The following VSIG10 variants were observed in gnomAD, a reference collection of about 807,000 sequenced individuals.
The protein encoded by VSIG10 is V-set and immunoglobulin domain containing 10.
Under a neutral mutation model 58.7 loss-of-function variants are expected in VSIG10, and 48 were observed. The observed-to-expected ratio is 0.82, with a 90% CI of 0.65 to 1.04. VSIG10 has a LOEUF of 1.04. Ranked by LOEUF, VSIG10 falls within the 50% of genes least tolerant of loss-of-function variation. The probability of loss-of-function intolerance (pLI) is 0.00; values close to 1 mark genes in which losing one functional copy is unlikely to be tolerated. For synonymous variants in VSIG10, 260 were observed against 267.1 expected (o/e 0.97, Z 0.26); for missense variants, 628 against 670.0 (o/e 0.94, Z 0.69).
Position 118,082,425 on chromosome 12 carries a change from G to C in VSIG10, c.366C>G (p.Gly122=). ...CGATGTGGACCTCAATCTGATAGGG[G>C]CCGCCTGGGGATGACAGGGGGAATA... ...WFQVWLQVAS[G]PYQIEVHIVA... The change falls in exon 3 of 9, where the codon GGC becomes GGG. Residue 122 remains glycine (G), a synonymous_variant. Transcript: ENST00000359236. The C allele has an allele frequency of 6.2e-7, 1 of 1,607,286 alleles. No homozygotes were observed. The highest frequency in any genetic ancestry group is 8.5e-7 in the Non-Finnish European group (1 of 1,175,132).
At position 118,073,777 on chromosome 12, in the gene VSIG10, G is replaced by A. The variant is rs756872016; in HGVS notation, c.1141C>T (p.Leu381=). Residue 381 remains leucine (L), a synonymous_variant, in exon 5 of 9, where the codon CTG becomes TTG. Transcript: ENST00000359236. Reference sequence around the variant, plus strand: ...CGGCAGATGTAGTAGCCCTCATCCAGGTCCTGGGAGCAGTTGTGGATAGTG... The same window carrying A: ...CGGCAGATGTAGTAGCCCTCATCCAAGTCCTGGGAGCAGTTGTGGATAGTG... ...TLTIHNCSQD[L]DEGYYICRAD... 1 of 1,613,994 alleles carries A rather than the reference G, an allele frequency of 6.2e-7. No homozygotes were observed. The highest frequency in any genetic ancestry group is 8.5e-7 in the Non-Finnish European group (1 of 1,179,894).
At chr12:118,069,085 C>T (rs1330449140) in intron 7 of VSIG10, among the ~76,000 whole-genome samples, 1 of 151,816 alleles carries the variant, frequency 6.6e-6, no homozygotes, top group African/African-American at 2.4e-5. Flanking sequence ...TCAGACTATA[C>T]ATTTCTTTTT....
At position 118,086,617 on chromosome 12, in the gene VSIG10, G is replaced by A. The variant is rs950272720; in HGVS notation, c.362-4188C>T. Among the ~76,000 whole-genome samples the A allele has an allele frequency of 5.9e-5, 9 of 152,106 alleles. No individual in the cohort carries two copies. The East Asian group carries it at 1.2e-3, about 20-fold the overall frequency. ...TGATGAAATAAACAGCTGTGTGGCC[G>A]GGTAAGATGGATCCTGCCTGTAATC... On this transcript the variant is annotated intron_variant, in intron 2 of 8. Transcript: ENST00000359236.
rs1358875673 is a variant in VSIG10, at chr12:118,063,750, G to A, written c.*2889C>T. The stretch of plus-strand genomic sequence containing the variant: ...GCAGCAGTTCCTGGCCAGTCCCAAC[G>A]TGAGAAATATCAGTTGGCACTTATT... On this transcript the variant is annotated 3_prime_UTR_variant, in exon 9 of 9. Coordinates refer to ENST00000359236, the MANE Select transcript of VSIG10 (RefSeq NM_019086.6). 1.3e-5 allele frequency: 2 copies of A among 152,142 alleles called. No individual in the cohort carries two copies. Among genetic ancestry groups the A allele is most frequent in the Non-Finnish European group, 2.9e-5 (2 of 68,022 alleles). The allele number at this position is 152,142 out of a possible 1,614,324, so 9.4% of individuals were successfully genotyped here. A position where few individuals can be genotyped will look rare whatever the true frequency, so the allele number is the denominator to read the frequency against.
At chr12:118,077,514 T>C (rs1209153313) in intron 4 of VSIG10, among the ~76,000 whole-genome samples, 1 of 152,138 alleles carries the variant, frequency 6.6e-6, no homozygotes, top group Non-Finnish European at 1.5e-5. Flanking sequence ...AGAGGAATGT[T>C]TGTGGTTTTA....
chr12:118,068,068 G>T (rs1221474683), intron 8 of VSIG10, among the ~76,000 whole-genome samples: 4 of 124,594 alleles, frequency 3.2e-5, no homozygotes, highest in Non-Finnish European at 6.3e-5. Context: ...TCCTACTGCT[G>T]CCCAGACTGG....
chr12:118,088,719 G>C (rs994402727), intron 2 of VSIG10, among the ~76,000 whole-genome samples: 3 of 152,110 alleles, frequency 2.0e-5, no homozygotes, highest in Non-Finnish European at 4.4e-5. Context: ...GACCTCCTAA[G>C]ATGAGAACCA....
chr12:118,088,690 G>A (rs1042920559), intron 2 of VSIG10, among the ~76,000 whole-genome samples: 1 of 152,090 alleles, frequency 6.6e-6, no homozygotes, highest in African/African-American at 2.4e-5. Flanking sequence ...GCAGAGAGGA[G>A]TCTGCTGTTT....
rs775980807 is a variant in VSIG10 at position 118,068,369 on chromosome 12, G to GA, written c.1567+7dup. ...TTCTGTTTGTTTGTTTAAGGAAAAA[G>GA]AGCTTACCTTGAAGATCCTGGAATC... On this transcript the variant is annotated splice_region_variant and intron_variant, in intron 8 of 8. Transcript: ENST00000359236. 2.2e-4 allele frequency: 357 copies of GA among 1,612,124 alleles called. 3 individuals carry two copies. The East Asian group carries it at 2.7e-3, about 12-fold the overall frequency.
At position 118,103,760 on chromosome 12, in the gene VSIG10, C is replaced by A; in HGVS notation, c.-89G>T. On this transcript the variant is annotated 5_prime_UTR_variant, in exon 1 of 9. Transcript: ENST00000359236. Reference sequence around the variant, plus strand: ...GCCCCGGGGCCCGGGGTACCGAGGGCTCCTCCCAGGTCCTCGGAACGGCAG... The same window carrying A: ...GCCCCGGGGCCCGGGGTACCGAGGGATCCTCCCAGGTCCTCGGAACGGCAG... 1 of 1,297,900 alleles carries A rather than the reference C, an allele frequency of 7.7e-7. No individual in the cohort carries two copies. The highest frequency in any genetic ancestry group is 1.0e-6 in the Non-Finnish European group (1 of 1,002,186). 80.4% of individuals were successfully genotyped at this position (1,297,900 alleles called of 1,614,324 possible).
At chr12:118,083,927 C>T (rs2033043452) in intron 2 of VSIG10, among the ~76,000 whole-genome samples, 1 of 152,084 alleles carries the variant, frequency 6.6e-6, no homozygotes, top group Non-Finnish European at 1.5e-5. Flanking sequence ...TCGAGACCAG[C>T]CTGGGCAACA....
intron 1 of VSIG10, chr12:118,102,075 A>T (rs1227048683): frequency 6.6e-6 from 1 of 152,322 alleles, no homozygotes; most frequent in Non-Finnish European, 1.5e-5. Context: ...GCACCACTGC[A>T]CTCCAGCCTG....
At chr12:118,101,270 C>G (rs1168126787) in intron 1 of VSIG10, among the ~76,000 whole-genome samples, 4 of 152,158 alleles carry the variant, frequency 2.6e-5, no homozygotes, top group Middle Eastern at 3.2e-3. Flanking sequence ...TTAGTGATGT[C>G]TGACATAGAC....
intron 1 of VSIG10, 67 bp downstream of exon 1, chr12:118,103,526 C>A: frequency 7.0e-7 from 1 of 1,438,734 alleles, no homozygotes; most frequent in Admixed American, 2.5e-5. Flanking sequence ...AATTGGGTCT[C>A]TCGCTGTCCC....
chr12:118,097,291 G>C (rs751412518), intron 1 of VSIG10, among the ~76,000 whole-genome samples: 8 of 152,130 alleles, frequency 5.3e-5, no homozygotes, highest in Non-Finnish European at 8.8e-5. Context: ...TAAAGTGTTT[G>C]TCTATAATCA....
At chr12:118,078,885 GC>G (rs2032829180) in intron 4 of VSIG10, among the ~76,000 whole-genome samples, 1 of 136,492 alleles carries the variant, frequency 7.3e-6, no homozygotes, top group East Asian at 2.4e-4. Context: ...GCTGTAGTGA[GC>G]CAAGATCATG....
At chr12:118,086,648 A>G (rs531858260) in intron 2 of VSIG10, among the ~76,000 whole-genome samples, 1 of 152,196 alleles carries the variant, frequency 6.6e-6, no homozygotes, top group Middle Eastern at 3.4e-3. Flanking sequence ...TAATCTCAGC[A>G]TTGTGGGAGG....
chr12:118,092,971 T>A (rs2033341113), intron 2 of VSIG10, among the ~76,000 whole-genome samples: 1 of 151,900 alleles, frequency 6.6e-6, no homozygotes, highest in South Asian at 2.1e-4. Context: ...ATCCTTTTTT[T>A]TCCAACCATT....
chr12:118,083,573 C>T (rs183929739), intron 2 of VSIG10, among the ~76,000 whole-genome samples: 1 of 152,044 alleles, frequency 6.6e-6, no homozygotes, highest in Non-Finnish European at 1.5e-5. Flanking sequence ...AGTGAGACTT[C>T]ATCTCAAAAT....
Sources: allele counts gnomAD v4.1 joint callset (sites outside exome capture counted in the v4.1 genomes callset), GRCh38; gene constraint gnomAD v4.1.1; transcripts MANE v1.5; gene names NCBI Gene and HGNC (gene_info 2026-07-23, HGNC 2026-07-21).